MTHFD2L: variants seen among roughly 807,000 people sequenced by gnomAD.
MTHFD2L encodes the protein methylenetetrahydrofolate dehydrogenase (NADP+ dependent) 2 like.
Under a neutral mutation model 34.9 loss-of-function variants are expected in MTHFD2L, and 29 were observed. The ratio of observed to expected loss-of-function variants is 0.83; its 90% confidence interval spans 0.62 to 1.13. MTHFD2L has a LOEUF of 1.13. Ranked by LOEUF, MTHFD2L falls within the 50% of genes most tolerant of loss-of-function variation. The pLI is 0.00. For synonymous variants in MTHFD2L, 167 were observed against 155.7 expected, an observed-to-expected ratio of 1.07 and a Z score of -0.54; for missense variants, 481 against 446.5, an observed-to-expected ratio of 1.08 and a Z score of -0.70.
chr4:74,189,660 A>G (rs1415252509), intron 3 of MTHFD2L, among the ~76,000 whole-genome samples: 1 of 152,006 alleles, frequency 6.6e-6, no homozygotes, highest in Non-Finnish European at 1.5e-5. Context: ...TAGTGGCTCA[A>G]ATCTATAGAA....
chr4:74,243,146 T>C lies in MTHFD2L; in HGVS notation c.805+17752T>C, dbSNP rs566822353. Among the ~76,000 whole-genome samples the C allele has an allele frequency of 2.0e-5, 3 of 152,352 alleles. No individual in the cohort carries two copies. In the South Asian group the frequency reaches 6.2e-4, roughly 32 times the overall value. ...AGAAGGCCTCCCAAAGGATGTGGCC[T>C]CTCAGCTGCCATATGCTTTTTAAGG... is the stretch of plus-strand genomic sequence containing the variant. On this transcript the variant is annotated intron_variant, in intron 6 of 7. Transcript: ENST00000325278.
At chr4:74,182,423 A>G (rs187171703) in intron 3 of MTHFD2L, among the ~76,000 whole-genome samples, 14 of 152,308 alleles carry the variant, frequency 9.2e-5, no homozygotes, top group African/African-American at 3.4e-4. Context: ...CTATAGCTAT[A>G]TAGTATCTAT....
intron 6 of MTHFD2L, among the ~76,000 whole-genome samples, chr4:74,269,261 G>A (rs986471277): frequency 1.3e-4 from 20 of 152,012 alleles, no homozygotes; most frequent in African/African-American, 4.6e-4. Context: ...TAATTAGCTT[G>A]GGGGGAAAAA....
At chr4:74,248,181 A>T (rs1742769473) in intron 6 of MTHFD2L, among the ~76,000 whole-genome samples, 1 of 151,860 alleles carries the variant, frequency 6.6e-6, no homozygotes. Context: ...CTATTCAGAG[A>T]TTCAACTTCT....
chr4:74,235,179 A>G (rs1740665208), intron 6 of MTHFD2L, among the ~76,000 whole-genome samples: 1 of 152,172 alleles, frequency 6.6e-6, no homozygotes, highest in African/African-American at 2.4e-5. Flanking sequence ...TTAAATAATT[A>G]GAAGCACTGA....
chr4:74,191,221 T>G (rs1301859571), intron 3 of MTHFD2L, among the ~76,000 whole-genome samples: 1 of 152,128 alleles, frequency 6.6e-6, no homozygotes, highest in African/African-American at 2.4e-5. Context: ...TGGTCCTCAC[T>G]TATATATTCT....
chr4:74,163,987 T>C (rs1255780301), intron 1 of MTHFD2L, among the ~76,000 whole-genome samples: 4 of 152,222 alleles, frequency 2.6e-5, no homozygotes, highest in Admixed American at 2.6e-4. Flanking sequence ...GCCATTCTCC[T>C]GCCTCAGTCT....
intron 5 of MTHFD2L, among the ~76,000 whole-genome samples, chr4:74,211,025 T>C (rs981546911): frequency 3.9e-5 from 6 of 152,206 alleles, no homozygotes; most frequent in South Asian, 2.1e-4. Flanking sequence ...TTTTTACACA[T>C]TGATTTTGTG....
At chr4:74,267,299 CTTTTCT>C (rs1436248351) in intron 6 of MTHFD2L, 101 of 852,886 alleles carry the variant, frequency 1.2e-4, no homozygotes, top group South Asian at 2.7e-4. Context: ...CTTTTCTTTT[CTTTTCT>C]TTTCTTTCTT....
intron 6 of MTHFD2L, among the ~76,000 whole-genome samples, chr4:74,241,073 A>G (rs990793455): frequency 6.6e-6 from 1 of 152,228 alleles, no homozygotes; most frequent in African/African-American, 2.4e-5. Context: ...TATATGTAGT[A>G]TAAAGAAGTC....
At chr4:74,143,573 C>T (rs1160368308) in intron 1 of MTHFD2L, 1 of 321,922 alleles carries the variant, frequency 3.1e-6, no homozygotes, top group African/African-American at 2.2e-5. Context: ...TTCTATTTTC[C>T]TACTTTCCTT....
chr4:74,233,583 T>A (rs1302796158), intron 6 of MTHFD2L, among the ~76,000 whole-genome samples: 1 of 152,066 alleles, frequency 6.6e-6, no homozygotes, highest in Non-Finnish European at 1.5e-5. Flanking sequence ...CAACATGTTT[T>A]AAATGAAAAT....
At chr4:74,148,732 A>T (rs1280444319) in intron 1 of MTHFD2L, among the ~76,000 whole-genome samples, 1 of 151,930 alleles carries the variant, frequency 6.6e-6, no homozygotes, top group Admixed American at 6.6e-5. Context: ...AAATCTACTT[A>T]CAGAGAAACT....
intron 6 of MTHFD2L, among the ~76,000 whole-genome samples, chr4:74,246,821 C>G (rs1742532472): frequency 6.6e-6 from 1 of 152,158 alleles, no homozygotes; most frequent in South Asian, 2.1e-4. Flanking sequence ...GGGCTCTGCT[C>G]TGTTCCATTG....
chr4:74,279,425 C>A (rs1367604197), intron 6 of MTHFD2L, among the ~76,000 whole-genome samples: 1 of 151,812 alleles, frequency 6.6e-6, no homozygotes, highest in Admixed American at 6.6e-5. Flanking sequence ...TATATATTTT[C>A]CAAATTTTCT....
chr4:74,283,092 C>G (rs903343296), intron 7 of MTHFD2L, among the ~76,000 whole-genome samples: 3 of 152,140 alleles, frequency 2.0e-5, no homozygotes, highest in Admixed American at 6.6e-5. Context: ...GTGATGCACC[C>G]AGATGGCACT....
chr4:74,233,301 T>C (rs931574870), intron 6 of MTHFD2L, among the ~76,000 whole-genome samples: 8 of 152,068 alleles, frequency 5.3e-5, no homozygotes, highest in Non-Finnish European at 1.2e-4. Flanking sequence ...GACTCAAATA[T>C]GAAGTGGGGT....
intron 1 of MTHFD2L, among the ~76,000 whole-genome samples, chr4:74,136,592 C>T (rs1246491450): frequency 6.6e-6 from 1 of 152,060 alleles, no homozygotes; most frequent in Non-Finnish European, 1.5e-5. Flanking sequence ...CATCAAAATT[C>T]CAATGACATT....
At chr4:74,120,598 A>G (rs1361982772), upstream of MTHFD2L, among the ~76,000 whole-genome samples, 1 of 152,244 alleles carries the variant, frequency 6.6e-6, no homozygotes, top group Non-Finnish European at 1.5e-5. Context: ...TGTCATCCGT[A>G]GAGAAATGTC....
Sources: gnomAD v4.1 joint callset for allele counts (sites outside exome capture counted in the v4.1 genomes callset) on GRCh38, gnomAD v4.1.1 for gene constraint, MANE v1.5 for transcripts, NCBI Gene and HGNC (gene_info 2026-07-23, HGNC 2026-07-21) for gene names.